The following ZFYVE16 variants were observed in gnomAD, a reference collection of about 807,000 sequenced individuals.
ZFYVE16 encodes the protein zinc finger FYVE domain-containing protein 16.
A neutral mutation model predicts 138.1 loss-of-function variants in ZFYVE16; 89 were observed. The ratio of observed to expected loss-of-function variants is 0.64; its 90% CI spans 0.54 to 0.77. The LOEUF (loss-of-function observed/expected upper bound fraction) is 0.77, where lower values mean the gene tolerates loss of function less well. ZFYVE16 is among the 30% of genes least tolerant of loss of function. The pLI, the probability that ZFYVE16 is intolerant of heterozygous loss-of-function variation, is 0.00. For synonymous variants in ZFYVE16, 596 were observed against 618.3 expected (o/e 0.96, Z 0.53); for missense variants, 1,793 against 1,786.7 (o/e 1.00, Z -0.06).
At position 80,482,301 on chromosome 5, in the gene ZFYVE16, A is replaced by G. The variant is rs1755300308; in HGVS notation, c.*4924A>G. ...TAACAAAATTTACTGGAAGGTCTCA[A>G]CACAATGAAGATGACTGAGGGAAGA... On this transcript the variant is annotated 3_prime_UTR_variant, in exon 19 of 19. Transcript: ENST00000505560. 1 of 152,234 alleles carries G rather than the reference A, an allele frequency of 6.6e-6. No homozygotes were observed. Among genetic ancestry groups the G allele is most frequent in the South Asian group, 2.1e-4 (1 of 4,834 alleles). 9.4% of individuals were successfully genotyped at this position (152,234 alleles called of 1,614,324 possible).
intron 15 of ZFYVE16, among the ~76,000 whole-genome samples, chr5:80,465,424 T>TTTTTTTTTTAG (rs1753636729): frequency 7.3e-6 from 1 of 136,248 alleles, no homozygotes; most frequent in African/African-American, 2.8e-5. Context: ...TTTTTTTTTT[T>TTTTTTTTTTAG]GAGACAGGAT....
At chr5:80,443,429 T>C in intron 6 of ZFYVE16, 145 bp downstream of exon 6, 1 of 969,672 alleles carries the variant, frequency 1.0e-6, no homozygotes, top group East Asian at 2.7e-5. Context: ...ACATGCAGGC[T>C]GGAAGACTGG....
chr5:80,427,610 C>CTTTTTTTTTTTTTTTTTTTTT, intron 2 of ZFYVE16, 65 bp downstream of exon 2: 4 of 50,016 alleles, frequency 8.0e-5, no homozygotes, highest in African/African-American at 1.1e-4. Context: ...CTGTCGTATG[C>CTTTTTTTTTTTTTTTTTTTTT]TTTTTTTTTT....
chr5:80,431,056 G>GA (rs1378570455), intron 2 of ZFYVE16, among the ~76,000 whole-genome samples: 1 of 152,140 alleles, frequency 6.6e-6, no homozygotes, highest in Admixed American at 6.6e-5. Context: ...CCAATCAATA[G>GA]AAAAAGAGGG....
rs1431775477 is a variant in ZFYVE16 at position 80,477,995 on chromosome 5, C to T, written c.*618C>T. The T allele has an allele frequency of 2.0e-5, 3 of 151,790 alleles. No individual in the cohort carries two copies. Among genetic ancestry groups the T allele is most frequent in the Non-Finnish European group, 4.4e-5 (3 of 67,890 alleles). 9.4% of individuals were successfully genotyped at this position (151,790 alleles called of 1,614,324 possible). A position where few individuals can be genotyped will look rare whatever the true frequency, so the allele number is the denominator to read the frequency against. On this transcript the variant is annotated 3_prime_UTR_variant, in exon 19 of 19. Transcript: ENST00000505560. ...ATTACATATGTATGTATTATATATC[C>T]ACATATATAGTTTTCCCTGATTAAA...
intron 15 of ZFYVE16, among the ~76,000 whole-genome samples, chr5:80,469,476 C>T (rs1362195595): frequency 2.0e-5 from 3 of 152,120 alleles, no homozygotes; most frequent in Admixed American, 6.5e-5. Flanking sequence ...CTTCTGGACT[C>T]AAGTGATCCT....
intron 15 of ZFYVE16, among the ~76,000 whole-genome samples, chr5:80,466,478 T>C (rs1753765025): frequency 6.6e-6 from 1 of 152,208 alleles, no homozygotes; most frequent in Non-Finnish European, 1.5e-5. Flanking sequence ...TGATATTCTC[T>C]GTTTGGTTAG....
At chr5:80,473,688 TC>T in intron 16 of ZFYVE16, 65 bp from the exon 17 acceptor site, 1 of 1,168,360 alleles carries the variant, frequency 8.6e-7, no homozygotes, top group Non-Finnish European at 1.2e-6. Context: ...TTTGTTCAAA[TC>T]TAATAATTCA....
intron 3 of ZFYVE16, chr5:80,435,826 T>TA (rs1749826831): frequency 3.0e-6 from 1 of 329,696 alleles, no homozygotes. Context: ...CCTCCGACCG[T>TA]GGCTTCCCAA....
At chr5:80,426,368 G>A (rs1470152998) in intron 1 of ZFYVE16, among the ~76,000 whole-genome samples, 1 of 151,572 alleles carries the variant, frequency 6.6e-6, no homozygotes, top group Admixed American at 6.6e-5. Flanking sequence ...TGCCACGGTG[G>A]TTTGCTGCAC....
intron 15 of ZFYVE16, among the ~76,000 whole-genome samples, chr5:80,470,083 G>A (rs1214158070): frequency 5.3e-5 from 4 of 75,132 alleles, no homozygotes; most frequent in Non-Finnish European, 8.9e-5. Context: ...GTGTGTGTGT[G>A]TGTGTGTGTG....
intron 15 of ZFYVE16, among the ~76,000 whole-genome samples, chr5:80,461,123 A>C: frequency 6.6e-6 from 1 of 152,256 alleles, no homozygotes; most frequent in Non-Finnish European, 1.5e-5. Flanking sequence ...GAGCGCCGAC[A>C]TGACACTCTA....
intron 15 of ZFYVE16, among the ~76,000 whole-genome samples, chr5:80,469,092 C>CT (rs1486813551): frequency 6.8e-6 from 1 of 147,468 alleles, no homozygotes; most frequent in Non-Finnish European, 1.5e-5. Context: ...TTTTCTTTCT[C>CT]TCTTTTTTTT....
rs1038847387 is a variant in ZFYVE16 at position 80,477,214 on chromosome 5, T to C, written c.4462-5T>C. 4 of 1,582,596 alleles carry C rather than the reference T, an allele frequency of 2.5e-6. No individual in the cohort carries two copies. The highest frequency in any genetic ancestry group is 2.7e-5 in the African/African-American group (2 of 72,856). On this transcript the variant is annotated splice_region_variant and splice_polypyrimidine_tract_variant and intron_variant, in intron 18 of 18. Transcript: ENST00000505560. ...TTTCTTATCAAGAATTTTTTTTTTT[T>C]CTAGGTTGAATTTCAGGCAGGATCT...
chr5:80,417,863 A>G (rs953435626), intron 1 of ZFYVE16, among the ~76,000 whole-genome samples: 1 of 152,218 alleles, frequency 6.6e-6, no homozygotes, highest in Non-Finnish European at 1.5e-5. Context: ...GCTGGATTAT[A>G]TGGTAGTAGT....
intron 1 of ZFYVE16, among the ~76,000 whole-genome samples, chr5:80,419,258 T>G (rs1746726185): frequency 6.6e-6 from 1 of 152,024 alleles, no homozygotes; most frequent in Admixed American, 6.6e-5. Flanking sequence ...TTTTATGTTT[T>G]GTGGAGACAG....
intron 15 of ZFYVE16, among the ~76,000 whole-genome samples, chr5:80,465,590 G>A (rs956074923): frequency 6.6e-6 from 1 of 150,686 alleles, no homozygotes; most frequent in Non-Finnish European, 1.5e-5. Context: ...TCTATTTTTT[G>A]TAGAGACAGG....
chr5:80,475,204 C>T (rs1754779442), intron 18 of ZFYVE16, among the ~76,000 whole-genome samples: 1 of 152,162 alleles, frequency 6.6e-6, no homozygotes, highest in African/African-American at 2.4e-5. Flanking sequence ...TTTGATGAAC[C>T]CTTCTCCATG....
chr5:80,466,213 ACT>A (rs1753739339), intron 15 of ZFYVE16, among the ~76,000 whole-genome samples: 1 of 152,034 alleles, frequency 6.6e-6, no homozygotes, highest in South Asian at 2.1e-4. Context: ...GGCATGAGCC[ACT>A]CTGCCCATCC....
Sources: gnomAD v4.1 joint callset for allele counts (sites outside exome capture counted in the v4.1 genomes callset) on GRCh38, gnomAD v4.1.1 for gene constraint, MANE v1.5 for transcripts, NCBI Gene and HGNC (gene_info 2026-07-23, HGNC 2026-07-21) for gene names.